POU6F2: variants seen among roughly 807,000 people sequenced by gnomAD.
POU6F2 encodes POU domain, class 6, transcription factor 2.
POU6F2 carries 31 observed loss-of-function variants against 71.3 expected under a neutral mutation model. The ratio of observed to expected loss-of-function variants is 0.43; its 90% CI spans 0.33 to 0.59. POU6F2 has a LOEUF of 0.59. Ranked by LOEUF, POU6F2 falls within the 20% of genes least tolerant of loss-of-function variation. The pLI is 0.04. For missense variants in POU6F2, 783 were observed against 856.8 expected (o/e 0.91, Z 1.07); for synonymous variants, 347 against 355.7 (o/e 0.98, Z 0.27).
In POU6F2 at chr7:38,988,057, G is replaced by C. The variant is rs1172485464; in HGVS notation, c.105+9999G>C. Among the ~76,000 whole-genome samples the C allele has an allele frequency of 2.0e-5, 3 of 152,168 alleles. No homozygotes were observed. The East Asian group carries it at 5.8e-4, about 29-fold the overall frequency. Reference sequence around the variant, plus strand: ...TGCAGAGTATGGCTTTAATATTAATGATCTTCTTTGAACCCCACAGCTTTA... The same window carrying C: ...TGCAGAGTATGGCTTTAATATTAATCATCTTCTTTGAACCCCACAGCTTTA... On this transcript the variant is annotated intron_variant, in intron 1 of 9. Transcript: ENST00000518318.
chr7:39,277,071 C>A (rs905414229), intron 4 of POU6F2, among the ~76,000 whole-genome samples: 2 of 151,986 alleles, frequency 1.3e-5, no homozygotes, highest in Admixed American at 1.3e-4. Flanking sequence ...TTAAAAAATT[C>A]TCTTTCAAAA....
chr7:39,023,344 A>G (rs1789722549), intron 1 of POU6F2, among the ~76,000 whole-genome samples: 1 of 152,000 alleles, frequency 6.6e-6, no homozygotes, highest in Non-Finnish European at 1.5e-5. Flanking sequence ...GATAACATTC[A>G]TATGCTATAT....
intron 4 of POU6F2, among the ~76,000 whole-genome samples, chr7:39,227,815 C>T (rs1252360617): frequency 1.3e-5 from 2 of 152,112 alleles, no homozygotes; most frequent in Non-Finnish European, 2.9e-5. Context: ...CCTCGGCCTC[C>T]CAAAGTGCTG....
chr7:39,244,549 A>T (rs1783787714), intron 4 of POU6F2, among the ~76,000 whole-genome samples: 2 of 152,216 alleles, frequency 1.3e-5, no homozygotes, highest in Non-Finnish European at 2.9e-5. Context: ...GGTGGTAGTT[A>T]TTGGTAGCTC....
At chr7:39,395,039 A>G (rs138015274) in intron 5 of POU6F2, among the ~76,000 whole-genome samples, 14 of 152,098 alleles carry the variant, frequency 9.2e-5, no homozygotes, top group Non-Finnish European at 1.8e-4. Context: ...TGATTGCCCT[A>G]TTGCTCCCAG....
intron 4 of POU6F2, among the ~76,000 whole-genome samples, chr7:39,216,003 G>A (rs1362282898): frequency 6.6e-6 from 1 of 152,178 alleles, no homozygotes; most frequent in Non-Finnish European, 1.5e-5. Flanking sequence ...CGTTACAAAG[G>A]GAGCAGGGAA....
rs148350011 is a variant in POU6F2, at chr7:39,172,774, C to T, written c.278-31461C>T. Among the ~76,000 whole-genome samples the T allele has an allele frequency of 1.4e-3, 214 of 152,184 alleles. 1 individual carries two copies. The highest frequency in any genetic ancestry group is 4.7e-3 in the African/African-American group (197 of 41,508). ...TAGCTGGGACTACAGGCACCTGCCA[C>T]CATGCCTGGCTAATTTTTGTATTAT... On this transcript the variant is annotated intron_variant, in intron 2 of 9. Coordinates refer to ENST00000518318, the MANE Select transcript of POU6F2 (RefSeq NM_001370959.1).
At chr7:39,344,645 AC>A (rs1785991578) in intron 5 of POU6F2, among the ~76,000 whole-genome samples, 1 of 102,258 alleles carries the variant, frequency 9.8e-6, no homozygotes, top group African/African-American at 3.8e-5. Flanking sequence ...CCTAGGCCAA[AC>A]CCCCTCCCCC....
chr7:39,153,035 T>C (rs868051050), intron 2 of POU6F2, among the ~76,000 whole-genome samples: 4 of 152,214 alleles, frequency 2.6e-5, no homozygotes, highest in African/African-American at 9.7e-5. Context: ...AAGTGAGGTC[T>C]CTTGGGAAAG....
chr7:38,997,804 T>G (rs887954406), intron 1 of POU6F2, among the ~76,000 whole-genome samples: 13 of 152,244 alleles, frequency 8.5e-5, no homozygotes, highest in African/African-American at 3.1e-4. Flanking sequence ...ACAAATGTGA[T>G]AAGTTGCTCC....
intron 4 of POU6F2, among the ~76,000 whole-genome samples, chr7:39,277,142 G>A (rs1457814575): frequency 1.3e-5 from 2 of 152,144 alleles, no homozygotes; most frequent in Non-Finnish European, 2.9e-5. Context: ...AGCTAAGATT[G>A]AAGAAACAGT....
intron 5 of POU6F2, among the ~76,000 whole-genome samples, chr7:39,356,561 AAGAAC>A (rs1311651890): frequency 6.6e-6 from 1 of 152,196 alleles, no homozygotes; most frequent in Non-Finnish European, 1.5e-5. Context: ...TAAGCCCCTT[AAGAAC>A]AGACACAATG....
At chr7:39,194,263 A>G (rs1793730325) in intron 2 of POU6F2, among the ~76,000 whole-genome samples, 2 of 152,222 alleles carry the variant, frequency 1.3e-5, no homozygotes, top group South Asian at 4.1e-4. Context: ...AGAAAGCAGG[A>G]TGCTGCGAGT....
At chr7:39,299,572 A>T (rs1463177274) in intron 4 of POU6F2, among the ~76,000 whole-genome samples, 4 of 152,230 alleles carry the variant, frequency 2.6e-5, no homozygotes, top group Non-Finnish European at 5.9e-5. Context: ...TAAATAGGTA[A>T]TGAGGGGCTT....
At chr7:39,461,598 A>G (rs550088438) in intron 9 of POU6F2, among the ~76,000 whole-genome samples, 6 of 152,276 alleles carry the variant, frequency 3.9e-5, no homozygotes, top group African/African-American at 1.2e-4. Context: ...TCTGCTCTTT[A>G]TACTTTTAAT....
At chr7:39,308,006 T>C (rs1015737857) in intron 4 of POU6F2, among the ~76,000 whole-genome samples, 1 of 151,964 alleles carries the variant, frequency 6.6e-6, no homozygotes, top group African/African-American at 2.4e-5. Context: ...ATAGACTAGC[T>C]TCTGGCTTTG....
At chr7:39,273,423 C>T (rs1330816533) in intron 4 of POU6F2, among the ~76,000 whole-genome samples, 1 of 152,208 alleles carries the variant, frequency 6.6e-6, no homozygotes, top group African/African-American at 2.4e-5. Context: ...TCCAAAAACT[C>T]ATAACCCCGT....
intron 6 of POU6F2, among the ~76,000 whole-genome samples, chr7:39,422,786 C>G (rs1373660921): frequency 1.3e-5 from 2 of 152,124 alleles, no homozygotes; most frequent in Non-Finnish European, 2.9e-5. Context: ...CACCTACACC[C>G]CATAAAATAA....
chr7:39,266,446 C>G (rs776197278), intron 4 of POU6F2, among the ~76,000 whole-genome samples: 1 of 152,176 alleles, frequency 6.6e-6, no homozygotes, highest in African/African-American at 2.4e-5. Flanking sequence ...GCAGTGTTTA[C>G]GTAGCCTTAT....
Sources: allele counts gnomAD v4.1 joint callset (sites outside exome capture counted in the v4.1 genomes callset), GRCh38; gene constraint gnomAD v4.1.1; transcripts MANE v1.5; gene names NCBI Gene and HGNC (gene_info 2026-07-23, HGNC 2026-07-21).